BICRAL: variants seen among roughly 807,000 people sequenced by gnomAD.
BICRAL encodes BICRA like chromatin remodeling complex associated protein.
A neutral mutation model predicts 91.8 loss-of-function variants in BICRAL; 8 were observed. The observed-to-expected ratio is 0.09, with a 90% CI of 0.05 to 0.16. BICRAL has a LOEUF of 0.16. Ranked by LOEUF, BICRAL falls within the 10% of genes least tolerant of loss-of-function variation. The pLI is 1.00. For synonymous variants in BICRAL, 445 were observed against 491.1 expected (o/e 0.91, Z 1.24); for missense variants, 1,038 against 1,310.9 (o/e 0.79, Z 3.21).
chr6:42,768,497 C>A (rs1762667395), intron 1 of BICRAL, among the ~76,000 whole-genome samples: 1 of 152,218 alleles, frequency 6.6e-6, no homozygotes, highest in African/African-American at 2.4e-5. Flanking sequence ...TGGACAGAAG[C>A]TGGCCAGCAT....
intron 3 of BICRAL, 146 bp downstream of exon 3, chr6:42,822,209 G>C (rs768998699): frequency 2.6e-5 from 14 of 544,356 alleles, no homozygotes; most frequent in Non-Finnish European, 4.6e-5. Flanking sequence ...ACAGAGACAT[G>C]ATTAACATAG....
intron 7 of BICRAL, 101 bp downstream of exon 7, chr6:42,852,298 G>A (rs748981425): frequency 2.0e-5 from 15 of 746,572 alleles, no homozygotes; most frequent in East Asian, 5.3e-5. Flanking sequence ...GCTTAATCTC[G>A]TCTCCACTCC....
intron 6 of BICRAL, among the ~76,000 whole-genome samples, chr6:42,835,684 G>C (rs917030354): frequency 2.6e-5 from 4 of 152,136 alleles, no homozygotes; most frequent in African/African-American, 4.8e-5. Flanking sequence ...TGTAATCCCA[G>C]TACTTCCCAG....
At chr6:42,802,725 G>A (rs1201454208) in intron 1 of BICRAL, among the ~76,000 whole-genome samples, 1 of 152,050 alleles carries the variant, frequency 6.6e-6, no homozygotes, top group East Asian at 1.9e-4. Context: ...GGGATTACAG[G>A]CAGGAGCCAC....
intron 1 of BICRAL, among the ~76,000 whole-genome samples, chr6:42,750,450 C>T (rs1762358108): frequency 6.6e-6 from 1 of 152,222 alleles, no homozygotes; most frequent in East Asian, 1.9e-4. Flanking sequence ...AGGTGTGAGC[C>T]CCCACGCCTG....
At chr6:42,788,107 AAAG>A (rs765401948) in intron 1 of BICRAL, among the ~76,000 whole-genome samples, 4 of 152,162 alleles carry the variant, frequency 2.6e-5, no homozygotes, top group Non-Finnish European at 5.9e-5. Flanking sequence ...CTCCCTATGT[AAAG>A]AAGAAGGCTT....
At chr6:42,847,679 C>T (rs1582869674) in intron 6 of BICRAL, among the ~76,000 whole-genome samples, 1 of 152,124 alleles carries the variant, frequency 6.6e-6, no homozygotes. Context: ...AATCCCAGCA[C>T]TTTGGGAGGC....
At chr6:42,801,364 C>T (rs887599218) in intron 1 of BICRAL, among the ~76,000 whole-genome samples, 5 of 151,716 alleles carry the variant, frequency 3.3e-5, no homozygotes, top group East Asian at 3.9e-4. Flanking sequence ...TATATTTAAA[C>T]GACACTAAGA....
intron 1 of BICRAL, among the ~76,000 whole-genome samples, chr6:42,762,427 G>A (rs1243003485): frequency 2.6e-5 from 4 of 151,974 alleles, no homozygotes; most frequent in African/African-American, 4.8e-5. Context: ...TGAAAGCTTC[G>A]CTATCTGTGA....
At chr6:42,818,613 TCTTATGACATC>T (rs1764058506) in intron 2 of BICRAL, among the ~76,000 whole-genome samples, 1 of 152,138 alleles carries the variant, frequency 6.6e-6, no homozygotes. Flanking sequence ...GACTTGTGTG[TCTTATGACATC>T]CTTAGACTTT....
chr6:42,776,166 C>T (rs889900815), intron 1 of BICRAL, among the ~76,000 whole-genome samples: 7 of 151,944 alleles, frequency 4.6e-5, no homozygotes, highest in South Asian at 2.1e-4. Context: ...GGATTACAGG[C>T]ACCCGCCACC....
chr6:42,826,083 T>G (rs920840813), intron 5 of BICRAL, among the ~76,000 whole-genome samples: 9 of 139,590 alleles, frequency 6.4e-5, no homozygotes, highest in Non-Finnish European at 1.3e-4. Flanking sequence ...GACTCTTGTC[T>G]CAGGGGAAAA....
intron 12 of BICRAL, 74 bp downstream of exon 12, chr6:42,862,686 G>T (rs1765590977): frequency 1.1e-6 from 1 of 907,180 alleles, no homozygotes; most frequent in South Asian, 1.4e-5. Context: ...TTGGCAGTCT[G>T]TCTGAACTTT....
chr6:42,860,296 C>G lies in BICRAL; in HGVS notation c.2289C>G (p.Leu763=). Residue 763 remains leucine (L), a synonymous_variant, in exon 11 of 13, where the codon CTC becomes CTG. Transcript: ENST00000314073. ...AATTTGAGACAGTTGCCACTCAGCT[C>G]CTAAAAAGGACCCAAGCTATGCTTA... ...DNEFETVATQ[L]LKRTQAMLNK... is the part of the protein sequence containing the mutation. The G allele has an allele frequency of 6.2e-7, 1 of 1,610,682 alleles. No homozygotes were observed.
chr6:42,799,413 C>T (rs1582827729), intron 1 of BICRAL, among the ~76,000 whole-genome samples: 2 of 151,780 alleles, frequency 1.3e-5, no homozygotes, highest in African/African-American at 4.8e-5. Context: ...AGTCTCCTGC[C>T]TCAGTCTCCT....
chr6:42,840,254 T>C (rs544271185), intron 6 of BICRAL, among the ~76,000 whole-genome samples: 10 of 133,870 alleles, frequency 7.5e-5, no homozygotes, highest in African/African-American at 2.8e-4. Context: ...TTTGTTTGTT[T>C]GTTTTTGAGA....
At chr6:42,807,755 G>A (rs1318170643) in intron 1 of BICRAL, among the ~76,000 whole-genome samples, 4 of 148,212 alleles carry the variant, frequency 2.7e-5, no homozygotes, top group African/African-American at 1.0e-4. Flanking sequence ...GCAGTGAGCC[G>A]AGATCACACC....
At chr6:42,833,284 G>A (rs1040268478) in intron 6 of BICRAL, among the ~76,000 whole-genome samples, 3 of 151,870 alleles carry the variant, frequency 2.0e-5, no homozygotes, top group Admixed American at 6.6e-5. Flanking sequence ...TCCTGACCTC[G>A]TGATCCACCT....
In BICRAL at chr6:42,822,466, C is replaced by G. The variant is rs112039811; in HGVS notation, c.42-330C>G. On this transcript the variant is annotated intron_variant, in intron 3 of 12. Coordinates refer to ENST00000314073, the MANE Select transcript of BICRAL (RefSeq NM_001393499.1). The stretch of plus-strand genomic sequence containing the variant: ...GTTTTGCCATGTTGTACAAGCTGGT[C>G]TCCAACTCCTAGACTGAAGTGATCC... 4.4e-3 allele frequency among the ~76,000 whole-genome samples: 652 copies of G among 146,994 alleles called. 3 individuals are homozygous for G. Among genetic ancestry groups the G allele is most frequent in the African/African-American group, 0.016 (625 of 39,928 alleles).
Sources: allele counts gnomAD v4.1 joint callset (sites outside exome capture counted in the v4.1 genomes callset), GRCh38; gene constraint gnomAD v4.1.1; transcripts MANE v1.5; gene names NCBI Gene and HGNC (gene_info 2026-07-23, HGNC 2026-07-21).